Variants in FGF10 observed in about 807,000 individuals in gnomAD.
FGF10 encodes the protein FGF-10.
Under a neutral mutation model 19.8 loss-of-function variants are expected in FGF10, and 2 were observed. That is an observed-to-expected ratio of 0.10 (90% CI 0.04 to 0.32). The LOEUF (loss-of-function observed/expected upper bound fraction) is 0.32. Ranked by LOEUF, FGF10 falls within the 10% of genes least tolerant of loss-of-function variation. FGF10 has a pLI of 1.00. For synonymous variants in FGF10, 112 were observed against 94.0 expected, an observed-to-expected ratio of 1.19 and a Z score of -1.10; for missense variants, 191 against 246.3, an observed-to-expected ratio of 0.78 and a Z score of 1.50.
chr5:44,343,772 G>C (rs550703142), intron 1 of FGF10, among the ~76,000 whole-genome samples: 2 of 151,976 alleles, frequency 1.3e-5, no homozygotes, highest in African/African-American at 4.8e-5. Context: ...ATTTAATTAT[G>C]TGATCACCTT....
intron 1 of FGF10, among the ~76,000 whole-genome samples, chr5:44,363,217 T>C (rs953565289): frequency 6.6e-6 from 1 of 151,810 alleles, no homozygotes; most frequent in African/African-American, 2.4e-5. Context: ...TAATACAGTT[T>C]TCAACTTGCA....
At chr5:44,361,098 A>G (rs576442629) in intron 1 of FGF10, among the ~76,000 whole-genome samples, 3 of 151,798 alleles carry the variant, frequency 2.0e-5, no homozygotes, top group African/African-American at 7.2e-5. Flanking sequence ...AAGGAATAGT[A>G]AACATTTTAT....
chr5:44,302,263 CTTCCTTCCTTCT>C lies in FGF10; in HGVS notation c.*2720_*2731del, dbSNP rs1246108921. Among the ~76,000 whole-genome samples the C allele has an allele frequency of 6.7e-6, 1 of 148,964 alleles. No individual in the cohort carries two copies. The highest frequency in any genetic ancestry group is 1.5e-5 in the Non-Finnish European group (1 of 67,510). ...TCTCCTTCCTTCCCTCCCTTCTTTC[CTTCCTTCCTTCT>C]TTCCTTGCTTCCTTCCTTCCTTCCT... On this transcript the variant is annotated 3_prime_UTR_variant, in exon 3 of 3. Transcript: ENST00000264664.
At chr5:44,332,448 T>C (rs985726517) in intron 1 of FGF10, among the ~76,000 whole-genome samples, 1 of 152,180 alleles carries the variant, frequency 6.6e-6, no homozygotes, top group Admixed American at 6.6e-5. Context: ...TTGACTTTGT[T>C]GTTTTTTCCT....
chr5:44,345,365 C>G (rs1204154862), intron 1 of FGF10, among the ~76,000 whole-genome samples: 2 of 151,618 alleles, frequency 1.3e-5, no homozygotes, highest in Non-Finnish European at 2.9e-5. Context: ...TTTATATTTT[C>G]TGTTTACAAG....
intron 1 of FGF10, among the ~76,000 whole-genome samples, chr5:44,353,527 C>A (rs1277721887): frequency 6.6e-6 from 1 of 151,218 alleles, no homozygotes; most frequent in African/African-American, 2.4e-5. Context: ...TGCGTCAAGC[C>A]CCTTGGTAAT....
chr5:44,371,827 T>C lies in FGF10; in HGVS notation c.325+16531A>G, dbSNP rs145873451. Among the ~76,000 whole-genome samples, 268 of 152,306 alleles carry C rather than the reference T, an allele frequency of 1.8e-3. 1 individual carries two copies. Among genetic ancestry groups the C allele is most frequent in the African/African-American group, 6.2e-3 (257 of 41,576 alleles). ...TTTCCTAGATACTTTTCATAGATTA[T>C]TTCATTTAATCCTCATAGACGGAAT... On this transcript the variant is annotated intron_variant, in intron 1 of 2. Coordinates refer to ENST00000264664, the MANE Select transcript of FGF10 (RefSeq NM_004465.2).
At position 44,388,363 on chromosome 5, in the gene FGF10, G is replaced by T; in HGVS notation, c.320C>A (p.Pro107Gln). The T allele has an allele frequency of 1.2e-6, 2 of 1,613,040 alleles. No homozygotes were observed. The highest frequency in any genetic ancestry group is 4.5e-5 in the East Asian group (2 of 44,862). Residue 107 changes from proline to glutamine, a missense_variant, in exon 1 of 3, where the codon CCG (proline) becomes CAG (glutamine). Coordinates refer to ENST00000264664, the MANE Select transcript of FGF10 (RefSeq NM_004465.2). The part of the protein sequence containing the change: ...KVSGTKKENC[P>Q]YSILEITSVE... ...AGCATGCATTTGTTACTTACTGTAC[G>T]GGCAGTTCTCCTTCTTGGTCCCGCT... is the stretch of plus-strand genomic sequence containing the variant.
chr5:44,328,601 C>G (rs1195609275), intron 1 of FGF10, among the ~76,000 whole-genome samples: 2 of 152,082 alleles, frequency 1.3e-5, no homozygotes, highest in Non-Finnish European at 2.9e-5. Context: ...CTACAAAACA[C>G]ACACAGAAAA....
At position 44,304,711 on chromosome 5, in the gene FGF10, G is replaced by GACA. The variant is rs749691930; in HGVS notation, c.*281_*283dup. On this transcript the variant is annotated 3_prime_UTR_variant, in exon 3 of 3. Transcript: ENST00000264664. The stretch of plus-strand genomic sequence containing the variant: ...CTCAGAGGTTTAAAAACAAAAACTT[G>GACA]ACAACAACAACAAAAAACCCAGCCA... The GACA allele has an allele frequency of 2.0e-5, 8 of 391,822 alleles. No homozygotes were observed. The highest frequency in any genetic ancestry group is 3.8e-5 in the Non-Finnish European group (8 of 211,690). 24.3% of individuals were successfully genotyped at this position (391,822 alleles called of 1,614,324 possible).
At chr5:44,318,824 C>T (rs1740415866) in intron 1 of FGF10, among the ~76,000 whole-genome samples, 1 of 152,092 alleles carries the variant, frequency 6.6e-6, no homozygotes, top group South Asian at 2.1e-4. Context: ...GAGATATCTT[C>T]TATGTTCAAT....
At chr5:44,366,127 C>CTTTTTTCT (rs1741606312) in intron 1 of FGF10, among the ~76,000 whole-genome samples, 1 of 74,810 alleles carries the variant, frequency 1.3e-5, no homozygotes, top group Non-Finnish European at 2.3e-5. Flanking sequence ...CAATTATTTC[C>CTTTTTTCT]TTTTTTTTTT....
rs56194673 is a variant in FGF10, at chr5:44,302,282, GCTTCCTTC to G, written c.*2705_*2712del. Reference sequence around the variant, plus strand: ...TCTTTCCTTCCTTCCTTCTTTCCTTGCTTCCTTCCTTCCTTCCTTCCTTCCTTCCTTCC... The same window carrying G: ...TCTTTCCTTCCTTCCTTCTTTCCTTGCTTCCTTCCTTCCTTCCTTCCTTCC... On this transcript the variant is annotated 3_prime_UTR_variant, in exon 3 of 3. Coordinates refer to ENST00000264664, the MANE Select transcript of FGF10 (RefSeq NM_004465.2). Among the ~76,000 whole-genome samples the G allele has an allele frequency of 0.074, 8,999 of 122,092 alleles. 391 individuals are homozygous for G. The highest frequency in any genetic ancestry group is 0.13 in the African/African-American group (3,999 of 31,106). 80.1% of individuals were successfully genotyped at this position (122,092 alleles called of 152,430 possible).
At chr5:44,323,154 A>G (rs1445050774) in intron 1 of FGF10, among the ~76,000 whole-genome samples, 2 of 152,188 alleles carry the variant, frequency 1.3e-5, no homozygotes, top group South Asian at 2.1e-4. Context: ...CCTAAAGTCC[A>G]TGGAAATGTC....
At chr5:44,366,503 G>A (rs1319428945) in intron 1 of FGF10, among the ~76,000 whole-genome samples, 3 of 151,952 alleles carry the variant, frequency 2.0e-5, no homozygotes, top group Admixed American at 2.0e-4. Context: ...ACGCTTTAAG[G>A]GACTAAGCTG....
intron 1 of FGF10, among the ~76,000 whole-genome samples, chr5:44,375,865 G>A (rs1347769846): frequency 6.6e-6 from 1 of 152,092 alleles, no homozygotes; most frequent in African/African-American, 2.4e-5. Flanking sequence ...ACTCTATAAT[G>A]TCAGTCTGGC....
At chr5:44,359,595 T>C (rs1182247361) in intron 1 of FGF10, among the ~76,000 whole-genome samples, 1 of 151,436 alleles carries the variant, frequency 6.6e-6, no homozygotes, top group Non-Finnish European at 1.5e-5. Context: ...CTTCAGTAAA[T>C]TGGCTTAATG....
chr5:44,383,817 T>G (rs1742038485), intron 1 of FGF10, among the ~76,000 whole-genome samples: 1 of 152,050 alleles, frequency 6.6e-6, no homozygotes, highest in Non-Finnish European at 1.5e-5. Context: ...CAACCACAAC[T>G]GAAATAAGAT....
chr5:44,368,398 C>T (rs886215201), intron 1 of FGF10, among the ~76,000 whole-genome samples: 7 of 151,948 alleles, frequency 4.6e-5, no homozygotes, highest in Non-Finnish European at 1.0e-4. Flanking sequence ...AACATAGCAC[C>T]GCATATAACA....
Sources: gnomAD v4.1 joint callset for allele counts (sites outside exome capture counted in the v4.1 genomes callset) on GRCh38, gnomAD v4.1.1 for gene constraint, MANE v1.5 for transcripts, NCBI Gene and HGNC (gene_info 2026-07-23, HGNC 2026-07-21) for gene names.